Variants in AOX1 observed in about 807,000 individuals in gnomAD.
AOX1 encodes the protein aldehyde oxidase.
AOX1 carries 153 observed loss-of-function variants against 169.5 expected under a neutral mutation model. That is an observed-to-expected ratio of 0.90 (90% confidence interval 0.79 to 1.03). The LOEUF (loss-of-function observed/expected upper bound fraction) is 1.03, where lower values mean the gene tolerates loss of function less well. AOX1 is among the 50% of genes least tolerant of loss of function. AOX1 has a pLI of 0.00. For synonymous variants in AOX1, 562 were observed against 581.9 expected, an observed-to-expected ratio of 0.97 and a Z score of 0.49; for missense variants, 1,656 against 1,663.9, an observed-to-expected ratio of 1.00 and a Z score of 0.08.
intron 19 of AOX1, among the ~76,000 whole-genome samples, chr2:200,625,182 A>T (rs1359532124): frequency 1.3e-5 from 2 of 152,134 alleles, no homozygotes; most frequent in African/African-American, 2.4e-5. Flanking sequence ...TCAAATTCAA[A>T]CACTCTGTTC....
intron 19 of AOX1, among the ~76,000 whole-genome samples, chr2:200,626,291 TTG>T (rs2035003280): frequency 6.6e-6 from 1 of 152,180 alleles, no homozygotes; most frequent in Admixed American, 6.5e-5. Flanking sequence ...AACCCAGTTT[TTG>T]AATGGGGGAA....
At chr2:200,675,566 T>G (rs1559266574), downstream of AOX1, among the ~76,000 whole-genome samples, 1 of 152,198 alleles carries the variant, frequency 6.6e-6, no homozygotes, top group Non-Finnish European at 1.5e-5. Context: ...AACCCAGGAA[T>G]TCCAACTCCA....
At chr2:200,621,509 A>G (rs948217456) in intron 18 of AOX1, among the ~76,000 whole-genome samples, 1 of 152,192 alleles carries the variant, frequency 6.6e-6, no homozygotes, top group Admixed American at 6.5e-5. Flanking sequence ...AATGGTATAA[A>G]TGAGTAAATG....
chr2:200,623,786 G>A, intron 18 of AOX1, 75 bp from the exon 19 acceptor site: 1 of 1,604,632 alleles, frequency 6.2e-7, no homozygotes, highest in Non-Finnish European at 8.5e-7. Context: ...AGTACTAGGA[G>A]GGAGGAAGAA....
Position 200,638,224 on chromosome 2 carries a change from T to C in AOX1, c.2490T>C (p.Arg830=), listed in dbSNP as rs1358214492. 2.5e-6 allele frequency: 4 copies of C among 1,613,546 alleles called. No individual in the cohort carries two copies. The highest frequency in any genetic ancestry group is 3.4e-6 in the Non-Finnish European group (4 of 1,179,588). Residue 830 remains arginine (R), a synonymous_variant, in exon 23 of 35, where the codon CGT becomes CGC. Transcript: ENST00000374700. The stretch of plus-strand genomic sequence containing the variant: ...TTTTTTTCTGTTTTAGACATGGCCG[T>C]GCAGTTCGCTGTGTTCTGGAACGAG... ...VTAFAANKHG[R]AVRCVLERGE...
chr2:200,623,785 A>G (rs954417769), intron 18 of AOX1, 76 bp from the exon 19 acceptor site: 10 of 1,603,294 alleles, frequency 6.2e-6, no homozygotes, highest in Admixed American at 5.0e-5. Flanking sequence ...GAGTACTAGG[A>G]GGGAGGAAGA....
At chr2:200,644,271 C>A (rs751058878) in intron 25 of AOX1, among the ~76,000 whole-genome samples, 10 of 152,146 alleles carry the variant, frequency 6.6e-5, no homozygotes, top group Non-Finnish European at 1.0e-4. Flanking sequence ...CAGTTTCATT[C>A]TCATTACATG....
rs2034451781 is a variant in AOX1, at chr2:200,603,326, T to C, written c.558T>C (p.Asn186=). ...NGVCCLDQGI[N]GLPEFEEGSK... ...TTTGCTGTTTGGATCAAGGAATCAA[T>C]GGATTGCCAGAATTTGAGGAAGGAA... is the stretch of plus-strand genomic sequence containing the variant. The change falls in exon 7 of 35, where the codon AAT becomes AAC. Residue 186 remains asparagine (N), a synonymous_variant. Coordinates refer to ENST00000374700, the MANE Select transcript of AOX1 (RefSeq NM_001159.4). 4 of 1,613,898 alleles carry C rather than the reference T, an allele frequency of 2.5e-6. No individual in the cohort carries two copies. The African/African-American group carries it at 5.3e-5, about 22-fold the overall frequency.
Position 200,670,622 on chromosome 2 carries a change from A to T in AOX1, c.3967-7A>T, listed in dbSNP as rs1207795215. On this transcript the variant is annotated splice_region_variant and splice_polypyrimidine_tract_variant and intron_variant, in intron 34 of 34. Coordinates refer to ENST00000374700, the MANE Select transcript of AOX1 (RefSeq NM_001159.4). Reference sequence around the variant, plus strand: ...GGTTTGAACATCCAGATTTGTTTTTATTTTAGATTCCGAGAGATGAACCTG... The same window carrying T: ...GGTTTGAACATCCAGATTTGTTTTTTTTTTAGATTCCGAGAGATGAACCTG... The T allele has an allele frequency of 1.2e-6, 2 of 1,610,726 alleles. No individual in the cohort carries two copies. Among genetic ancestry groups the T allele is most frequent in the Admixed American group, 3.3e-5 (2 of 59,940 alleles).
rs2035237057 is a variant in AOX1, at chr2:200,636,550, A to G, written c.2347-361A>G. On this transcript the variant is annotated intron_variant, in intron 21 of 34. Coordinates refer to ENST00000374700, the MANE Select transcript of AOX1 (RefSeq NM_001159.4). ...AACGTATGCCTAGGGATTAGTGTGA[A>G]TAGAATACTTTAGGAGTGGTTCCTG... Among the ~76,000 whole-genome samples the G allele has an allele frequency of 3.9e-5, 6 of 152,330 alleles. No individual in the cohort carries two copies. The South Asian group carries it at 1.2e-3, about 32-fold the overall frequency.
At chr2:200,672,852 G>T (rs1325875743), downstream of AOX1, among the ~76,000 whole-genome samples, 1 of 152,186 alleles carries the variant, frequency 6.6e-6, no homozygotes, top group Non-Finnish European at 1.5e-5. Flanking sequence ...GAGCATTACT[G>T]GGGAGACAAG....
intron 12 of AOX1, 59 bp from the exon 13 acceptor site, chr2:200,611,325 T>C: frequency 1.6e-6 from 2 of 1,214,560 alleles, no homozygotes; most frequent in Non-Finnish European, 1.2e-6. Context: ...TTCCTAAGTT[T>C]TGGAAGTTTA....
At chr2:200,668,585 G>T (rs369512479) in intron 32 of AOX1, 30 bp from the exon 33 acceptor site, 14 of 1,575,164 alleles carry the variant, frequency 8.9e-6, no homozygotes, top group Non-Finnish European at 9.5e-6. Flanking sequence ...TTTCTCATAC[G>T]TGGAAATTCT....
chr2:200,588,375 AAATG>A (rs2034082605), intron 1 of AOX1: 1 of 152,266 alleles, frequency 6.6e-6, no homozygotes. Context: ...GGTTTGGGTT[AAATG>A]AAGAAACAGG....
rs776351543 is a variant in AOX1 at position 200,604,679 on chromosome 2, TA to T, written c.670-16del. 4 of 1,613,980 alleles carry T rather than the reference TA, an allele frequency of 2.5e-6. No homozygotes were observed. The highest frequency in any genetic ancestry group is 1.3e-5 in the African/African-American group (1 of 75,034). On this transcript the variant is annotated splice_polypyrimidine_tract_variant and intron_variant, in intron 8 of 34. Transcript: ENST00000374700. ...GGCATCATTGGGTACCTTGAATCCC[TA>T]TTGCTTTTTCAATAGATAATGGCTG...
chr2:200,591,348 A>G (rs982755508), intron 1 of AOX1, among the ~76,000 whole-genome samples: 5 of 152,216 alleles, frequency 3.3e-5, no homozygotes, highest in Non-Finnish European at 4.4e-5. Context: ...TTTGAGATGC[A>G]AAAGGGTATT....
intron 1 of AOX1, among the ~76,000 whole-genome samples, chr2:200,590,872 C>G (rs556416027): frequency 6.6e-6 from 1 of 152,246 alleles, no homozygotes; most frequent in Non-Finnish European, 1.5e-5. Flanking sequence ...CGTTTCTTCT[C>G]TCTTTTTTCT....
chr2:200,630,421 G>A (rs2035093468), intron 20 of AOX1, among the ~76,000 whole-genome samples: 1 of 151,816 alleles, frequency 6.6e-6, no homozygotes, highest in African/African-American at 2.4e-5. Context: ...TACTCGGAAG[G>A]CTGAGGCACC....
chr2:200,656,501 T>G (rs2035687618), intron 26 of AOX1, among the ~76,000 whole-genome samples: 1 of 152,214 alleles, frequency 6.6e-6, no homozygotes, highest in Non-Finnish European at 1.5e-5. Flanking sequence ...TTAGTCATTT[T>G]GCAGCAAAAC....
Sources: allele counts gnomAD v4.1 joint callset (sites outside exome capture counted in the v4.1 genomes callset), GRCh38; gene constraint gnomAD v4.1.1; transcripts MANE v1.5; gene names NCBI Gene and HGNC (gene_info 2026-07-23, HGNC 2026-07-21).